SNTG1: variants seen among roughly 807,000 people sequenced by gnomAD.
SNTG1 encodes syntrophin gamma 1.
SNTG1 carries 39 observed loss-of-function variants against 74.7 expected under a neutral mutation model. The observed-to-expected ratio is 0.52, with a 90% CI of 0.40 to 0.68. The LOEUF (loss-of-function observed/expected upper bound fraction) is 0.68, where lower values mean the gene tolerates loss of function less well. Ranked by LOEUF, SNTG1 falls within the 30% of genes least tolerant of loss-of-function variation. The pLI, the probability that SNTG1 is intolerant of heterozygous loss-of-function variation, is 0.00. For synonymous variants in SNTG1, 254 were observed against 217.1 expected, an observed-to-expected ratio of 1.17 and a Z score of -1.49; for missense variants, 685 against 609.5, an observed-to-expected ratio of 1.12 and a Z score of -1.30.
chr8:50,694,486 A>G (rs564597538), intron 15 of SNTG1, among the ~76,000 whole-genome samples: 1 of 152,260 alleles, frequency 6.6e-6, no homozygotes, highest in East Asian at 1.9e-4. Flanking sequence ...TGATGGCCTC[A>G]CTGTTGAATT....
intron 17 of SNTG1, among the ~76,000 whole-genome samples, chr8:50,740,362 TG>T (rs2095540170): frequency 1.9e-5 from 2 of 106,282 alleles, no homozygotes; most frequent in South Asian, 6.5e-4. Flanking sequence ...AAAAAACATA[TG>T]AAAAAAAAAA....
intron 11 of SNTG1, among the ~76,000 whole-genome samples, chr8:50,544,296 CTTT>C (rs2094370003): frequency 6.6e-6 from 1 of 151,706 alleles, no homozygotes; most frequent in Non-Finnish European, 1.5e-5. Context: ...CCCTTAATTC[CTTT>C]GTTTTTTCTT....
chr8:50,690,315 C>A (rs1173465387), intron 15 of SNTG1, among the ~76,000 whole-genome samples: 2 of 151,918 alleles, frequency 1.3e-5, no homozygotes, highest in Non-Finnish European at 1.5e-5. Context: ...GCTCTTGCTT[C>A]TCTAGTTCTT....
chr8:50,040,579 A>G (rs191012846), intron 1 of SNTG1, among the ~76,000 whole-genome samples: 1 of 152,292 alleles, frequency 6.6e-6, no homozygotes, highest in Admixed American at 6.5e-5. Context: ...CACAAGTAAG[A>G]TATTCTGTAG....
chr8:50,655,198 A>G (rs1311999087), intron 13 of SNTG1, among the ~76,000 whole-genome samples: 1 of 152,192 alleles, frequency 6.6e-6, no homozygotes, highest in African/African-American at 2.4e-5. Flanking sequence ...ATATGCAACT[A>G]CTGGAAGTGT....
At chr8:50,222,612 G>A (rs941437316) in intron 2 of SNTG1, among the ~76,000 whole-genome samples, 21 of 152,096 alleles carry the variant, frequency 1.4e-4, no homozygotes, top group African/African-American at 4.8e-4. Context: ...TGTCCAGTTT[G>A]GGAGGATTTT....
chr8:50,494,154 C>T (rs1172442352), intron 8 of SNTG1, among the ~76,000 whole-genome samples: 1 of 151,086 alleles, frequency 6.6e-6, no homozygotes, highest in Non-Finnish European at 1.5e-5. Flanking sequence ...TATATATACA[C>T]ATATATATAT....
chr8:50,531,420 A>G (rs1386931614), intron 10 of SNTG1, among the ~76,000 whole-genome samples: 1 of 152,110 alleles, frequency 6.6e-6, no homozygotes, highest in East Asian at 1.9e-4. Flanking sequence ...AAAGTTTATG[A>G]GGAAATATAC....
At chr8:49,976,680 T>C (rs376868097) in intron 1 of SNTG1, among the ~76,000 whole-genome samples, 1 of 151,938 alleles carries the variant, frequency 6.6e-6, no homozygotes, top group Non-Finnish European at 1.5e-5. Flanking sequence ...ATTAGAAGAG[T>C]TAACAGCAGA....
At chr8:50,596,653 G>T (rs149112358) in intron 13 of SNTG1, among the ~76,000 whole-genome samples, 1,899 of 152,040 alleles carry the variant, frequency 0.012, 43 homozygotes, top group African/African-American at 0.042. Flanking sequence ...TGTATCTCAT[G>T]ACACAAATAC....
At chr8:50,555,177 A>C (rs1292784936) in intron 12 of SNTG1, among the ~76,000 whole-genome samples, 2 of 152,206 alleles carry the variant, frequency 1.3e-5, no homozygotes, top group Non-Finnish European at 2.9e-5. Context: ...GCTCACCGTC[A>C]TATGATTCCC....
chr8:50,281,678 G>A (rs926123212), intron 2 of SNTG1, among the ~76,000 whole-genome samples: 5 of 152,104 alleles, frequency 3.3e-5, no homozygotes, highest in African/African-American at 1.2e-4. Flanking sequence ...CAATGAAAAG[G>A]ACTAGAATCT....
At chr8:50,267,707 A>G (rs563416750) in intron 2 of SNTG1, among the ~76,000 whole-genome samples, 19 of 152,204 alleles carry the variant, frequency 1.2e-4, no homozygotes, top group Non-Finnish European at 2.6e-4. Flanking sequence ...AAAAATATAT[A>G]GTAGTATCAT....
chr8:50,587,836 G>A (rs113275713), intron 12 of SNTG1, among the ~76,000 whole-genome samples: 5,655 of 151,234 alleles, frequency 0.037, 180 homozygotes, highest in African/African-American at 0.077. Flanking sequence ...AAAATTTAGC[G>A]GCTCATGGCT....
intron 1 of SNTG1, among the ~76,000 whole-genome samples, chr8:50,168,740 A>G (rs1200250390): frequency 6.6e-6 from 1 of 152,174 alleles, no homozygotes; most frequent in Non-Finnish European, 1.5e-5. Context: ...GTTATATTCA[A>G]TATTTCCTTT....
chr8:50,675,865 T>C (rs1476937010), intron 15 of SNTG1, among the ~76,000 whole-genome samples: 4 of 152,086 alleles, frequency 2.6e-5, no homozygotes, highest in African/African-American at 9.7e-5. Context: ...GGTAACGAAA[T>C]CTCTCAGCAT....
chr8:50,349,052 C>T (rs1298373668), intron 2 of SNTG1, among the ~76,000 whole-genome samples: 2 of 152,148 alleles, frequency 1.3e-5, no homozygotes, highest in Non-Finnish European at 2.9e-5. Context: ...TATGAAGAAT[C>T]CCCAACATTA....
chr8:50,634,599 GTATAA>G (rs2095026841), intron 13 of SNTG1, among the ~76,000 whole-genome samples: 1 of 152,058 alleles, frequency 6.6e-6, no homozygotes, highest in South Asian at 2.1e-4. Flanking sequence ...CAAAACTATA[GTATAA>G]TATGATACAA....
chr8:50,411,835 C>T (rs988500962), intron 4 of SNTG1, among the ~76,000 whole-genome samples: 1 of 152,110 alleles, frequency 6.6e-6, no homozygotes, highest in Non-Finnish European at 1.5e-5. Context: ...TCACCGGATC[C>T]CCTGGTGGTG....
Sources: allele counts gnomAD v4.1 joint callset (sites outside exome capture counted in the v4.1 genomes callset), GRCh38; gene constraint gnomAD v4.1.1; transcripts MANE v1.5; gene names NCBI Gene and HGNC (gene_info 2026-07-23, HGNC 2026-07-21).